ARHGAP8: variants seen among roughly 807,000 people sequenced by gnomAD.
ARHGAP8 encodes rho GTPase-activating protein 8.
Under a neutral mutation model 46.1 loss-of-function variants are expected in ARHGAP8, and 62 were observed. The observed-to-expected ratio is 1.34, with a 90% confidence interval of 1.10 to 1.66. The LOEUF (loss-of-function observed/expected upper bound fraction) is 1.66. Among genes scored for constraint, ARHGAP8 ranks in the 40% most tolerant of loss-of-function variants. The pLI, the probability that ARHGAP8 is intolerant of heterozygous loss-of-function variation, is 0.00. For missense variants in ARHGAP8, 923 were observed against 568.4 expected (o/e 1.62, Z -6.34); for synonymous variants, 375 against 243.1 (o/e 1.54, Z -5.05).
At chr22:44,819,779 A>T (rs989635521) in intron 5 of ARHGAP8, among the ~76,000 whole-genome samples, 8 of 152,258 alleles carry the variant, frequency 5.3e-5, no homozygotes, top group African/African-American at 1.9e-4. Context: ...CTGTGAAGTC[A>T]GCCACATTTT....
At chr22:44,784,288 C>G (rs1195873606) in intron 1 of ARHGAP8, among the ~76,000 whole-genome samples, 1 of 152,050 alleles carries the variant, frequency 6.6e-6, no homozygotes, top group Non-Finnish European at 1.5e-5. Flanking sequence ...CCTGTAATTC[C>G]AGCTACTCAG....
At chr22:44,797,605 A>G (rs1928184107) in intron 2 of ARHGAP8, among the ~76,000 whole-genome samples, 1 of 152,222 alleles carries the variant, frequency 6.6e-6, no homozygotes, top group Admixed American at 6.5e-5. Flanking sequence ...AGGATGCTGT[A>G]TTTGGAAGCT....
chr22:44,849,111 TC>T (rs1303505532), intron 10 of ARHGAP8, 51 bp downstream of exon 10: 2 of 1,607,864 alleles, frequency 1.2e-6, no homozygotes, highest in African/African-American at 1.3e-5. Context: ...TCAGATGCTG[TC>T]CCCCAGCTAC....
intron 6 of ARHGAP8, 40 bp downstream of exon 6, chr22:44,822,509 C>T (rs1930230189): frequency 6.1e-6 from 9 of 1,478,708 alleles, no homozygotes; most frequent in Non-Finnish European, 8.1e-6. Context: ...ATCAATACAT[C>T]TTCGTGCTTC....
At chr22:44,809,484 T>A in intron 4 of ARHGAP8, 1 of 313,550 alleles carries the variant, frequency 3.2e-6, no homozygotes, top group Non-Finnish European at 6.3e-6. Context: ...GCAAGGGGCA[T>A]TCTGATGCCT....
At chr22:44,757,328 A>C (rs1924763316) in intron 1 of ARHGAP8, among the ~76,000 whole-genome samples, 1 of 151,620 alleles carries the variant, frequency 6.6e-6, no homozygotes, top group Non-Finnish European at 1.5e-5. Context: ...CCCAGGCTAG[A>C]GTGCAATGAT....
At chr22:44,848,897 G>A (rs1218854165) in intron 9 of ARHGAP8, 35 bp from the exon 10 acceptor site, 3 of 1,612,680 alleles carry the variant, frequency 1.9e-6, no homozygotes, top group Non-Finnish European at 2.5e-6. Flanking sequence ...CCAGGCCGGG[G>A]TGCAGACCTC....
chr22:44,769,228 CATCTGCCCACA>C (rs1195828933), intron 1 of ARHGAP8, among the ~76,000 whole-genome samples: 1 of 152,198 alleles, frequency 6.6e-6, no homozygotes, highest in Non-Finnish European at 1.5e-5. Context: ...GAGGCTCCAT[CATCTGCCCACA>C]ATCTTGCCCT....
intron 5 of ARHGAP8, 83 bp downstream of exon 5, chr22:44,814,841 G>A (rs1335609234): frequency 7.4e-6 from 11 of 1,489,170 alleles, no homozygotes; most frequent in Admixed American, 5.5e-5. Context: ...CCCTATCCAC[G>A]CATCATGGAG....
At chr22:44,754,438 C>T (rs1239081675) in intron 1 of ARHGAP8, among the ~76,000 whole-genome samples, 1 of 151,962 alleles carries the variant, frequency 6.6e-6, no homozygotes, top group African/African-American at 2.4e-5. Flanking sequence ...TCACTGCAAC[C>T]TCTGCCTCCT....
intron 1 of ARHGAP8, among the ~76,000 whole-genome samples, chr22:44,773,386 G>A (rs554771829): frequency 1.3e-5 from 2 of 152,246 alleles, no homozygotes; most frequent in East Asian, 3.9e-4. Flanking sequence ...AAACTTTACT[G>A]TGTTCTGATT....
rs148880070 is a variant in ARHGAP8 at position 44,862,534 on chromosome 22, C to A, written c.1241C>A (p.Thr414Lys). ...GAGGCTGTGCCACGGACACAAGCCA[C>A]GGGCCTCACCAAGCCTACCCTACCT... The part of the protein sequence containing the change: ...LQEAVPRTQA[T>K]GLTKPTLPPS... Residue 414 changes from threonine to lysine, a missense_variant, in exon 12 of 12, where the codon ACG becomes AAG. Coordinates refer to ENST00000356099, the MANE Select transcript of ARHGAP8 (RefSeq NM_181335.3). 1.9e-6 allele frequency: 3 copies of A among 1,608,934 alleles called. No individual in the cohort carries two copies. The highest frequency in any genetic ancestry group is 2.6e-6 in the Non-Finnish European group (3 of 1,176,040).
chr22:44,814,856 C>T lies in ARHGAP8; in HGVS notation c.386+98C>T, dbSNP rs968067450. ...CCCTATCCACGCATCATGGAGGGCC[C>T]GTCTCCAGGGTGCCTGTGTATCTGG... On this transcript the variant is annotated intron_variant, in intron 5 of 11. Coordinates refer to ENST00000356099, the MANE Select transcript of ARHGAP8 (RefSeq NM_181335.3). 6.4e-6 allele frequency: 9 copies of T among 1,399,040 alleles called. 1 individual carries two copies. The highest frequency in any genetic ancestry group is 4.8e-5 in the East Asian group (2 of 41,920). The allele number at this position is 1,399,040 out of a possible 1,614,324, so 86.7% of individuals were successfully genotyped here.
At position 44,832,039 on chromosome 22, in the gene ARHGAP8, A is replaced by G. The variant is rs546291049; in HGVS notation, c.596+6446A>G. On this transcript the variant is annotated intron_variant, in intron 7 of 11. Coordinates refer to ENST00000356099, the MANE Select transcript of ARHGAP8 (RefSeq NM_181335.3). ...AGGGCTTGTCCTGGGTGTGTAGACC[A>G]ATTTTGAGGGTATTGCCATCTTGAA... Among the ~76,000 whole-genome samples the G allele has an allele frequency of 5.0e-4, 76 of 152,176 alleles. 3 individuals carry two copies. In the South Asian group the frequency reaches 0.015, roughly 31 times the overall value.
chr22:44,752,784 G>C (rs911193429), intron 1 of ARHGAP8, 157 bp downstream of exon 1: 1 of 151,744 alleles, frequency 6.6e-6, no homozygotes, highest in Admixed American at 6.6e-5. Context: ...CGGCCGGGGG[G>C]AGACCCTCCG....
At chr22:44,813,052 C>G (rs1466057317) in intron 4 of ARHGAP8, among the ~76,000 whole-genome samples, 1 of 152,114 alleles carries the variant, frequency 6.6e-6, no homozygotes, top group Non-Finnish European at 1.5e-5. Flanking sequence ...CCAGGCTTAT[C>G]TTGTATTTTT....
At chr22:44,824,084 T>C (rs561091465) in intron 6 of ARHGAP8, among the ~76,000 whole-genome samples, 40 of 152,140 alleles carry the variant, frequency 2.6e-4, no homozygotes, top group African/African-American at 9.4e-4. Flanking sequence ...CCCACATACT[T>C]CCTGGTGGGT....
At chr22:44,803,913 C>T (rs1461421188) in intron 3 of ARHGAP8, among the ~76,000 whole-genome samples, 1 of 151,572 alleles carries the variant, frequency 6.6e-6, no homozygotes, top group Non-Finnish European at 1.5e-5. Context: ...GAGTGAAAGA[C>T]TAACCTAAAG....
At chr22:44,764,054 C>T (rs185132595) in intron 1 of ARHGAP8, among the ~76,000 whole-genome samples, 3 of 152,106 alleles carry the variant, frequency 2.0e-5, no homozygotes, top group Admixed American at 1.3e-4. Context: ...CCTCATGATC[C>T]GCCCACCTCG....
Sources: allele counts gnomAD v4.1 joint callset (sites outside exome capture counted in the v4.1 genomes callset), GRCh38; gene constraint gnomAD v4.1.1; transcripts MANE v1.5; gene names NCBI Gene and HGNC (gene_info 2026-07-23, HGNC 2026-07-21).